The following NOSTRIN variants were observed in gnomAD, a reference collection of about 807,000 sequenced individuals.
NOSTRIN encodes the protein nitric oxide synthase trafficking.
A neutral mutation model predicts 59.0 loss-of-function variants in NOSTRIN; 63 were observed. That is an observed-to-expected ratio of 1.07 (90% CI 0.87 to 1.32). The LOEUF is 1.32. Ranked by LOEUF, NOSTRIN falls within the 40% of genes most tolerant of loss-of-function variation. NOSTRIN has a pLI of 0.00. For missense variants in NOSTRIN, 512 were observed against 473.1 expected (o/e 1.08, Z -0.76); for synonymous variants, 200 against 165.4 (o/e 1.21, Z -1.61).
In NOSTRIN at chr2:168,850,646, C is replaced by G. The variant is rs551336646; in HGVS notation, c.631-438C>G. Among the ~76,000 whole-genome samples the G allele has an allele frequency of 1.2e-4, 17 of 147,600 alleles. No homozygotes were observed. The South Asian group carries it at 3.4e-3, about 30-fold the overall frequency. On this transcript the variant is annotated intron_variant, in intron 8 of 15. Coordinates refer to ENST00000317647, the MANE Select transcript of NOSTRIN (RefSeq NM_001039724.4). ...AACAAGGCCTGGCTAGGCGCGGTGG[C>G]TCATGCCTGTAATCCTAGCACTTTG... is the stretch of plus-strand genomic sequence containing the variant.
intron 3 of NOSTRIN, among the ~76,000 whole-genome samples, chr2:168,826,454 C>G (rs1327682423): frequency 6.6e-6 from 1 of 152,088 alleles, no homozygotes; most frequent in African/African-American, 2.4e-5. Context: ...TCTTCCCTCC[C>G]TTCCTCCCTT....
chr2:168,815,654 A>G (rs904157848), intron 2 of NOSTRIN, among the ~76,000 whole-genome samples: 8 of 152,226 alleles, frequency 5.3e-5, no homozygotes, highest in Admixed American at 6.5e-5. Context: ...TTTGAAAAAT[A>G]ATCTACTCTA....
At position 168,847,638 on chromosome 2, in the gene NOSTRIN, A is replaced by G. The variant is rs559603015; in HGVS notation, c.631-3446A>G. Among the ~76,000 whole-genome samples the G allele has an allele frequency of 1.4e-3, 217 of 152,354 alleles. 6 individuals carry two copies. In the South Asian group the frequency reaches 0.044, roughly 31 times the overall value. On this transcript the variant is annotated intron_variant, in intron 8 of 15. Coordinates refer to ENST00000317647, the MANE Select transcript of NOSTRIN (RefSeq NM_001039724.4). Reference sequence around the variant, plus strand: ...AATTGTCATGATGCTTGGGCCCCAGACAGGCTCTAAATCTGCTGAAATCTG... The same window carrying G: ...AATTGTCATGATGCTTGGGCCCCAGGCAGGCTCTAAATCTGCTGAAATCTG...
intron 15 of NOSTRIN, chr2:168,863,493 A>G: frequency 1.0e-6 from 1 of 985,418 alleles, no homozygotes; most frequent in Non-Finnish European, 1.2e-6. Flanking sequence ...AAGGGGGCAG[A>G]TCTTTCTACT....
Position 168,865,086 on chromosome 2 carries a change from TACCTGCATGTCACAGCA to T in NOSTRIN, c.*117_*133del. ...TTTTCTTTTGAAATGGATGGAGTTC[TACCTGCATGTCACAGCA>T]CTTTGCATTCATGATTATTAGCTTG... On this transcript the variant is annotated 3_prime_UTR_variant, in exon 16 of 16. Coordinates refer to ENST00000317647, the MANE Select transcript of NOSTRIN (RefSeq NM_001039724.4). 9.2e-7 allele frequency: 1 copy of T among 1,089,410 alleles called. No homozygotes were observed. The highest frequency in any genetic ancestry group is 1.3e-6 in the Non-Finnish European group (1 of 761,186). The allele number at this position is 1,089,410 out of a possible 1,614,324, so 67.5% of individuals were successfully genotyped here.
At chr2:168,854,014 C>T (rs923550361) in intron 10 of NOSTRIN, among the ~76,000 whole-genome samples, 3 of 152,122 alleles carry the variant, frequency 2.0e-5, no homozygotes, top group African/African-American at 7.2e-5. Flanking sequence ...ATTACAGGTG[C>T]ACACCACCAC....
chr2:168,823,929 G>T (rs985604074), intron 2 of NOSTRIN, among the ~76,000 whole-genome samples: 1 of 152,092 alleles, frequency 6.6e-6, no homozygotes, highest in African/African-American at 2.4e-5. Flanking sequence ...TACAAAATTA[G>T]CCGGGCATTG....
At chr2:168,807,967 GAATGCCTTTGCCACAGGCTTCA>G (rs1232900306) in intron 1 of NOSTRIN, among the ~76,000 whole-genome samples, 1 of 152,202 alleles carries the variant, frequency 6.6e-6, no homozygotes, top group Non-Finnish European at 1.5e-5. Context: ...GGTTGAATGT[GAATGCCTTTGCCACAGGCTTCA>G]CCACTGCCAC....
intron 1 of NOSTRIN, among the ~76,000 whole-genome samples, chr2:168,810,387 T>C (rs1418888546): frequency 6.6e-6 from 1 of 152,174 alleles, no homozygotes; most frequent in Admixed American, 6.5e-5. Context: ...CTGGATTACC[T>C]CATTTCTTTA....
At chr2:168,810,190 A>G (rs988838307) in intron 1 of NOSTRIN, among the ~76,000 whole-genome samples, 3 of 152,178 alleles carry the variant, frequency 2.0e-5, no homozygotes, top group Non-Finnish European at 4.4e-5. Flanking sequence ...TTTAGAAATT[A>G]GCAATTTCCT....
intron 12 of NOSTRIN, among the ~76,000 whole-genome samples, chr2:168,858,831 C>T (rs1002081955): frequency 1.3e-5 from 2 of 152,174 alleles, no homozygotes; most frequent in African/African-American, 4.8e-5. Context: ...GCTGGATAAG[C>T]AAGACCCTTC....
At chr2:168,792,169 TG>T (rs1468576929) in intron 2 of NOSTRIN, among the ~76,000 whole-genome samples, 2 of 152,142 alleles carry the variant, frequency 1.3e-5, no homozygotes, top group East Asian at 3.8e-4. Flanking sequence ...TAAATATATT[TG>T]TTTTCAAAAT....
At chr2:168,812,744 C>G (rs1049421403) in intron 2 of NOSTRIN, among the ~76,000 whole-genome samples, 2 of 152,288 alleles carry the variant, frequency 1.3e-5, no homozygotes, top group South Asian at 4.2e-4. Context: ...GCACCACCAT[C>G]TCTGAGCAGA....
chr2:168,796,361 T>G (rs1252901667), upstream of NOSTRIN, among the ~76,000 whole-genome samples: 2 of 152,184 alleles, frequency 1.3e-5, no homozygotes, highest in Non-Finnish European at 2.9e-5. Context: ...TGCTGACAGC[T>G]AGCTGCTCCC....
intron 1 of NOSTRIN, among the ~76,000 whole-genome samples, chr2:168,804,710 C>T (rs1243539298): frequency 1.3e-5 from 2 of 152,054 alleles, no homozygotes; most frequent in Non-Finnish European, 2.9e-5. Context: ...CTTAACCGGG[C>T]CCACACCAAT....
chr2:168,862,114 C>A, intron 15 of NOSTRIN, 65 bp downstream of exon 15: 1 of 1,445,914 alleles, frequency 6.9e-7, no homozygotes, highest in Non-Finnish European at 9.7e-7. Context: ...TGAATAAAAC[C>A]CTGTCTTAGT....
chr2:168,817,450 C>T (rs2105577805), intron 2 of NOSTRIN, among the ~76,000 whole-genome samples: 1 of 152,334 alleles, frequency 6.6e-6, no homozygotes, highest in Middle Eastern at 3.4e-3. Flanking sequence ...CTCATTCCTT[C>T]TCCCTTTTAA....
At chr2:168,859,759 A>G in intron 13 of NOSTRIN, 122 bp downstream of exon 13, 1 of 1,257,854 alleles carries the variant, frequency 8.0e-7, no homozygotes, top group Non-Finnish European at 1.1e-6. Context: ...TCATGCAGTT[A>G]GTTAAGAAGA....
At chr2:168,820,329 A>G (rs910987330) in intron 2 of NOSTRIN, among the ~76,000 whole-genome samples, 1 of 152,280 alleles carries the variant, frequency 6.6e-6, no homozygotes, top group African/African-American at 2.4e-5. Context: ...CTCATGGGTT[A>G]TCAGGGATTA....
Sources: allele counts gnomAD v4.1 joint callset (sites outside exome capture counted in the v4.1 genomes callset), GRCh38; gene constraint gnomAD v4.1.1; transcripts MANE v1.5; gene names NCBI Gene and HGNC (gene_info 2026-07-23, HGNC 2026-07-21).